Variants in PDSS2 observed in about 807,000 individuals in gnomAD.
PDSS2 encodes decaprenyl diphosphate synthase subunit 2.
A neutral mutation model predicts 44.5 loss-of-function variants in PDSS2; 31 were observed. The ratio of observed to expected loss-of-function variants is 0.70; its 90% confidence interval spans 0.52 to 0.94. PDSS2 has a LOEUF of 0.94. Ranked by LOEUF, PDSS2 falls within the 40% of genes least tolerant of loss-of-function variation. The pLI, the probability that PDSS2 is intolerant of heterozygous loss-of-function variation, is 0.00. For missense variants in PDSS2, 452 were observed against 482.2 expected (o/e 0.94, Z 0.59); for synonymous variants, 157 against 180.3 (o/e 0.87, Z 1.03).
At chr6:107,364,094 G>A (rs1159211139) in intron 1 of PDSS2, among the ~76,000 whole-genome samples, 2 of 152,238 alleles carry the variant, frequency 1.3e-5, no homozygotes, top group African/African-American at 4.8e-5. Flanking sequence ...GCTAAACACA[G>A]GGTGCTGAGT....
chr6:107,397,309 C>G (rs9486607), intron 1 of PDSS2, among the ~76,000 whole-genome samples: 28,491 of 151,882 alleles, frequency 0.19, 2,789 homozygotes, highest in East Asian at 0.31. Flanking sequence ...GAAGGTAAAA[C>G]TGTTGGAGAC....
At chr6:107,438,240 G>A (rs532247183) in intron 1 of PDSS2, among the ~76,000 whole-genome samples, 5 of 151,844 alleles carry the variant, frequency 3.3e-5, no homozygotes, top group African/African-American at 7.2e-5. Context: ...ATGGAGTCTC[G>A]CTCTGTCACC....
intron 1 of PDSS2, among the ~76,000 whole-genome samples, chr6:107,376,876 C>T (rs1779300833): frequency 1.3e-5 from 2 of 152,136 alleles, no homozygotes; most frequent in Admixed American, 6.5e-5. Flanking sequence ...ACACCTTATA[C>T]AAAAATTAAT....
rs561586310 is a variant in PDSS2, at chr6:107,446,046, G to A, written c.296+12944C>T. On this transcript the variant is annotated intron_variant, in intron 1 of 7. Coordinates refer to ENST00000369037, the MANE Select transcript of PDSS2 (RefSeq NM_020381.4). ...AAATAAGAAATAATTGGCCAGGCGC[G>A]GTGGCTCATGCCTGTAATCCCAGCA... Among the ~76,000 whole-genome samples, 367 of 152,144 alleles carry A rather than the reference G, an allele frequency of 2.4e-3. 3 individuals are homozygous for A. The highest frequency in any genetic ancestry group is 2.9e-3 in the East Asian group (15 of 5,184).
intron 4 of PDSS2, among the ~76,000 whole-genome samples, chr6:107,231,933 G>A (rs963061892): frequency 1.3e-5 from 2 of 148,608 alleles, no homozygotes; most frequent in East Asian, 4.0e-4. Context: ...TTGCACTCCA[G>A]CCTGGGCAAC....
intron 1 of PDSS2, among the ~76,000 whole-genome samples, chr6:107,434,875 G>GTA (rs753275682): frequency 5.3e-5 from 8 of 151,442 alleles, no homozygotes; most frequent in Non-Finnish European, 5.9e-5. Flanking sequence ...GTGTGTGTGT[G>GTA]TATATATATA....
At chr6:107,194,809 G>A (rs747726425) in intron 6 of PDSS2, among the ~76,000 whole-genome samples, 17 of 152,134 alleles carry the variant, frequency 1.1e-4, no homozygotes, top group African/African-American at 4.1e-4. Flanking sequence ...AAATTAGCCA[G>A]GCGTGGTGGC....
At chr6:107,329,874 G>A (rs562020251) in intron 2 of PDSS2, among the ~76,000 whole-genome samples, 5 of 151,950 alleles carry the variant, frequency 3.3e-5, no homozygotes, top group East Asian at 1.9e-4. Flanking sequence ...AGTGGCGGGC[G>A]CCTGTAATCC....
chr6:107,343,883 ACAAGTGTTATC>A (rs1343517993), intron 1 of PDSS2, among the ~76,000 whole-genome samples: 2 of 152,252 alleles, frequency 1.3e-5, no homozygotes, highest in Non-Finnish European at 2.9e-5. Flanking sequence ...CCAAACGGTA[ACAAGTGTTATC>A]CAACAAATTT....
At chr6:107,310,919 C>CTTTT (rs370360594) in intron 2 of PDSS2, among the ~76,000 whole-genome samples, 1 of 140,920 alleles carries the variant, frequency 7.1e-6, no homozygotes, top group Non-Finnish European at 1.5e-5. Flanking sequence ...CAAAAATAAA[C>CTTTT]TTTTTTTTTT....
chr6:107,198,090 C>T (rs1030458282), intron 6 of PDSS2, among the ~76,000 whole-genome samples: 2 of 152,104 alleles, frequency 1.3e-5, no homozygotes, highest in Admixed American at 6.6e-5. Context: ...CCATTTTTCC[C>T]ATCCCATACT....
chr6:107,459,309 G>A lies in PDSS2; in HGVS notation c.-24C>T, dbSNP rs758285878. On this transcript the variant is annotated 5_prime_UTR_variant, in exon 1 of 8. Coordinates refer to ENST00000369037, the MANE Select transcript of PDSS2 (RefSeq NM_020381.4). The surrounding 1 kb of genome is among the most constrained non-coding windows in gnomAD (Gnocchi z 4.3). ...ATGGTTTGAGTCTGGAAGGGTCTGG[G>A]ACCTGGGGGTATCCAGAAGTGCCGC... 22 of 1,608,838 alleles carry A rather than the reference G, an allele frequency of 1.4e-5. No homozygotes were observed. The Middle Eastern group carries it at 6.9e-4, about 51-fold the overall frequency.
intron 1 of PDSS2, among the ~76,000 whole-genome samples, chr6:107,449,692 G>A (rs1781802997): frequency 6.6e-6 from 1 of 152,138 alleles, no homozygotes; most frequent in Non-Finnish European, 1.5e-5. Flanking sequence ...TTGGCCTCTA[G>A]AGCAGCTGTC....
intron 4 of PDSS2, among the ~76,000 whole-genome samples, chr6:107,229,537 T>C (rs1030046447): frequency 6.6e-6 from 1 of 152,148 alleles, no homozygotes; most frequent in African/African-American, 2.4e-5. Flanking sequence ...AACCCCCTTC[T>C]ACTTTGGTAG....
intron 1 of PDSS2, among the ~76,000 whole-genome samples, chr6:107,342,813 C>A (rs1288283515): frequency 6.6e-6 from 1 of 152,078 alleles, no homozygotes; most frequent in African/African-American, 2.4e-5. Flanking sequence ...AATTTATAAT[C>A]AAATATTAAG....
intron 4 of PDSS2, among the ~76,000 whole-genome samples, chr6:107,229,332 G>A (rs952669459): frequency 4.6e-5 from 7 of 152,032 alleles, no homozygotes; most frequent in East Asian, 1.9e-4. Flanking sequence ...GGTTACAGGC[G>A]TGCACCACCA....
chr6:107,217,125 C>A (rs1382178670), intron 4 of PDSS2, among the ~76,000 whole-genome samples: 1 of 152,132 alleles, frequency 6.6e-6, no homozygotes, highest in African/African-American at 2.4e-5. Context: ...AGACAAAGGA[C>A]AATGAGGAAA....
At chr6:107,302,352 C>T (rs1455254342) in intron 2 of PDSS2, among the ~76,000 whole-genome samples, 3 of 151,880 alleles carry the variant, frequency 2.0e-5, no homozygotes, top group East Asian at 1.9e-4. Flanking sequence ...TAGCCTACTG[C>T]AGCCTCAAAT....
intron 7 of PDSS2, among the ~76,000 whole-genome samples, chr6:107,191,345 G>A (rs909826375): frequency 7.2e-5 from 11 of 152,174 alleles, no homozygotes; most frequent in Non-Finnish European, 1.3e-4. Context: ...CTATGAGCAC[G>A]AGGAATGGAA....
Sources: gnomAD v4.1 joint callset for allele counts (sites outside exome capture counted in the v4.1 genomes callset) on GRCh38, gnomAD v4.1.1 for gene constraint, Gnocchi (gnomAD v3.1) non-coding constraint, MANE v1.5 for transcripts, NCBI Gene and HGNC (gene_info 2026-07-23, HGNC 2026-07-21) for gene names.